Variants in EXOC4 observed in about 807,000 individuals in gnomAD.
EXOC4 encodes the protein exocyst complex component 4, also known as SEC8-like 1.
In EXOC4, 71 loss-of-function variants were observed where a neutral mutation model predicts 107.2. The observed-to-expected ratio is 0.66, with a 90% CI of 0.55 to 0.81. EXOC4 has a LOEUF of 0.81. Ranked by LOEUF, EXOC4 falls within the 30% of genes least tolerant of loss-of-function variation. The pLI, the probability that EXOC4 is intolerant of heterozygous loss-of-function variation, is 0.00. For missense variants in EXOC4, 1,108 were observed against 1,189.6 expected, an observed-to-expected ratio of 0.93 and a Z score of 1.01; for synonymous variants, 456 against 441.2, an observed-to-expected ratio of 1.03 and a Z score of -0.42.
chr7:133,504,032 C>T (rs1799624309), intron 9 of EXOC4, among the ~76,000 whole-genome samples: 1 of 152,080 alleles, frequency 6.6e-6, no homozygotes, highest in African/African-American at 2.4e-5. Flanking sequence ...TATACACACA[C>T]ACACACTCAC....
At chr7:134,062,851 A>G (rs1796096845) in intron 17 of EXOC4, among the ~76,000 whole-genome samples, 2 of 152,206 alleles carry the variant, frequency 1.3e-5, no homozygotes, top group Admixed American at 6.5e-5. Context: ...TTCCTGCTGC[A>G]TTGAAGAATC....
chr7:133,971,403 AAG>A (rs1203543634), intron 14 of EXOC4, among the ~76,000 whole-genome samples: 50 of 91,128 alleles, frequency 5.5e-4, no homozygotes, highest in African/African-American at 1.4e-3. Context: ...GAGAGAGAGA[AAG>A]AGAGAGAGAA....
intron 8 of EXOC4, among the ~76,000 whole-genome samples, chr7:133,477,335 CT>C (rs1799041185): frequency 6.6e-6 from 1 of 152,204 alleles, no homozygotes; most frequent in Admixed American, 6.5e-5. Flanking sequence ...TCCCTAACCC[CT>C]GGCAACCTCT....
At chr7:133,410,709 T>G (rs1487931466) in intron 7 of EXOC4, among the ~76,000 whole-genome samples, 1 of 152,166 alleles carries the variant, frequency 6.6e-6, no homozygotes, top group Admixed American at 6.5e-5. Context: ...AAAATGAAAT[T>G]TATAACTCTC....
intron 13 of EXOC4, among the ~76,000 whole-genome samples, chr7:133,924,629 A>T (rs1376444508): frequency 6.6e-6 from 1 of 152,236 alleles, no homozygotes; most frequent in Non-Finnish European, 1.5e-5. Context: ...GTGTAATCTT[A>T]AGTGTATAAC....
intron 11 of EXOC4, among the ~76,000 whole-genome samples, chr7:133,883,775 G>A (rs1188405786): frequency 6.6e-6 from 1 of 152,178 alleles, no homozygotes; most frequent in South Asian, 2.1e-4. Flanking sequence ...CAGGGTGGAG[G>A]CTGATTTGGA....
At chr7:133,875,529 C>T (rs536361203) in intron 11 of EXOC4, among the ~76,000 whole-genome samples, 1 of 152,268 alleles carries the variant, frequency 6.6e-6, no homozygotes, top group Non-Finnish European at 1.5e-5. Context: ...CGAACTGTCT[C>T]TTGGCTGCTG....
intron 10 of EXOC4, among the ~76,000 whole-genome samples, chr7:133,646,623 A>T (rs574263541): frequency 2.1e-4 from 32 of 152,274 alleles, no homozygotes; most frequent in African/African-American, 7.2e-4. Flanking sequence ...AAATATATGT[A>T]TGTGTGGTAT....
At chr7:133,944,711 G>A (rs1800509871) in intron 14 of EXOC4, among the ~76,000 whole-genome samples, 1 of 152,006 alleles carries the variant, frequency 6.6e-6, no homozygotes, top group African/African-American at 2.4e-5. Context: ...AAGAAAAATG[G>A]TTGTCTACCT....
chr7:133,989,047 C>T (rs1428598294), intron 14 of EXOC4, among the ~76,000 whole-genome samples: 6 of 152,036 alleles, frequency 3.9e-5, no homozygotes, highest in Non-Finnish European at 8.8e-5. Flanking sequence ...GTAACTATTG[C>T]AGTAGTCCAT....
chr7:133,310,645 A>G (rs1267197054), intron 4 of EXOC4, among the ~76,000 whole-genome samples: 1 of 152,218 alleles, frequency 6.6e-6, no homozygotes, highest in Non-Finnish European at 1.5e-5. Flanking sequence ...ACAGTCTTAG[A>G]CAAGCCACAG....
At chr7:133,823,890 ATATTTTATATATATATATAT>A in intron 11 of EXOC4, among the ~76,000 whole-genome samples, 2 of 21,726 alleles carry the variant, frequency 9.2e-5, no homozygotes, top group South Asian at 2.1e-3. Flanking sequence ...ATATATATAT[ATATTTTATATATATATATAT>A]AAATATATAT....
chr7:133,513,733 T>TTC (rs1799817869), intron 9 of EXOC4, among the ~76,000 whole-genome samples: 1 of 152,232 alleles, frequency 6.6e-6, no homozygotes, highest in Non-Finnish European at 1.5e-5. Context: ...TGTGTTGCTC[T>TTC]TTGTAAAGTT....
chr7:133,483,325 A>G (rs1201798158), intron 9 of EXOC4, among the ~76,000 whole-genome samples: 1 of 152,168 alleles, frequency 6.6e-6, no homozygotes, highest in Non-Finnish European at 1.5e-5. Flanking sequence ...GAGGGTATAC[A>G]TATATGGTTT....
chr7:133,696,374 C>G (rs1253675976), intron 10 of EXOC4, among the ~76,000 whole-genome samples: 1 of 152,178 alleles, frequency 6.6e-6, no homozygotes, highest in African/African-American at 2.4e-5. Context: ...TAAAGGTCAT[C>G]CAGTCAATAC....
chr7:134,004,814 TG>T (rs1794605811), intron 15 of EXOC4, 97 bp from the exon 16 acceptor site: 1 of 986,496 alleles, frequency 1.0e-6, no homozygotes, highest in Admixed American at 2.3e-5. Flanking sequence ...CATTTATTAA[TG>T]ATAATTTATT....
At chr7:133,820,620 A>G (rs1797498455) in intron 11 of EXOC4, among the ~76,000 whole-genome samples, 1 of 152,248 alleles carries the variant, frequency 6.6e-6, no homozygotes, top group South Asian at 2.1e-4. Context: ...TAAATATTCA[A>G]TTACAGGAAG....
chr7:133,326,111 G>C (rs1302960353), intron 5 of EXOC4, among the ~76,000 whole-genome samples: 1 of 152,080 alleles, frequency 6.6e-6, no homozygotes, highest in Non-Finnish European at 1.5e-5. Flanking sequence ...TTAGCCATTC[G>C]TCTAATCTTT....
intron 10 of EXOC4, among the ~76,000 whole-genome samples, chr7:133,692,696 TAGTACTC>T (rs1174146324): frequency 6.6e-6 from 1 of 152,216 alleles, no homozygotes; most frequent in African/African-American, 2.4e-5. Flanking sequence ...TTTTCAAACT[TAGTACTC>T]AGTCTGTGTC....
Sources: gnomAD v4.1 joint callset for allele counts (sites outside exome capture counted in the v4.1 genomes callset) on GRCh38, gnomAD v4.1.1 for gene constraint, MANE v1.5 for transcripts, NCBI Gene and HGNC (gene_info 2026-07-23, HGNC 2026-07-21) for gene names.